Variants in ALK observed in about 807,000 individuals in gnomAD.
ALK encodes the protein ALK receptor tyrosine kinase, also known as ALK tyrosine kinase receptor.
A neutral mutation model predicts 163.1 loss-of-function variants in ALK; 74 were observed. That is an observed-to-expected ratio of 0.45 (90% CI 0.38 to 0.55). ALK has a LOEUF of 0.55. ALK is among the 20% of genes least tolerant of loss of function. The pLI is 0.00. For synonymous variants in ALK, 960 were observed against 843.2 expected (o/e 1.14, Z -2.40); for missense variants, 2,063 against 2,105.3 (o/e 0.98, Z 0.39).
At chr2:29,615,868 C>T (rs533229383) in intron 3 of ALK, among the ~76,000 whole-genome samples, 1 of 152,354 alleles carries the variant, frequency 6.6e-6, no homozygotes, top group Admixed American at 6.5e-5. Flanking sequence ...TTGCACTTCA[C>T]CCCAGGAAGT....
At chr2:29,281,956 A>G (rs1665729176) in intron 9 of ALK, among the ~76,000 whole-genome samples, 1 of 152,210 alleles carries the variant, frequency 6.6e-6, no homozygotes, top group Admixed American at 6.5e-5. Flanking sequence ...AATTAAGTTC[A>G]CTTAATGATT....
At chr2:29,499,689 C>T (rs892727040) in intron 4 of ALK, among the ~76,000 whole-genome samples, 2 of 152,118 alleles carry the variant, frequency 1.3e-5, no homozygotes, top group African/African-American at 4.8e-5. Context: ...CTCTTCCAAC[C>T]CTCATTTCTC....
At chr2:29,581,118 G>T (rs1192441631) in intron 3 of ALK, among the ~76,000 whole-genome samples, 1 of 152,202 alleles carries the variant, frequency 6.6e-6, no homozygotes, top group Non-Finnish European at 1.5e-5. Context: ...GGCCAGGCAT[G>T]GTGGCTCATG....
intron 1 of ALK, among the ~76,000 whole-genome samples, chr2:29,805,238 G>A (rs1338102911): frequency 6.6e-6 from 1 of 152,192 alleles, no homozygotes; most frequent in Non-Finnish European, 1.5e-5. Flanking sequence ...CACATTAAGG[G>A]CTACAGGATA....
intron 1 of ALK, among the ~76,000 whole-genome samples, chr2:29,871,198 A>G (rs746225555): frequency 6.6e-6 from 1 of 152,174 alleles, no homozygotes; most frequent in Non-Finnish European, 1.5e-5. Context: ...TGGTGACATT[A>G]AGCCTACAGC....
intron 3 of ALK, among the ~76,000 whole-genome samples, chr2:29,634,792 TAACA>T (rs1327886000): frequency 6.6e-6 from 1 of 151,962 alleles, no homozygotes; most frequent in East Asian, 1.9e-4. Flanking sequence ...AATACATAAA[TAACA>T]AACAAAGAAA....
At chr2:29,575,617 A>G (rs1674501906) in intron 3 of ALK, among the ~76,000 whole-genome samples, 1 of 152,220 alleles carries the variant, frequency 6.6e-6, no homozygotes, top group Non-Finnish European at 1.5e-5. Context: ...AAAAAATACA[A>G]TTCAATTTGT....
chr2:29,599,186 C>CAA (rs538039527), intron 3 of ALK, among the ~76,000 whole-genome samples: 40 of 100,280 alleles, frequency 4.0e-4, no homozygotes, highest in Middle Eastern at 6.3e-3. Context: ...TCTGACTCTG[C>CAA]AAAAAAAAAA....
chr2:29,624,866 C>T (rs1199260303), intron 3 of ALK, among the ~76,000 whole-genome samples: 1 of 152,212 alleles, frequency 6.6e-6, no homozygotes, highest in Non-Finnish European at 1.5e-5. Flanking sequence ...CTAATACTTA[C>T]AGGAGGGTGT....
chr2:29,538,246 C>T (rs4305229), intron 3 of ALK, among the ~76,000 whole-genome samples: 58,774 of 151,940 alleles, frequency 0.39, 12,099 homozygotes, highest in East Asian at 0.65. Flanking sequence ...CCAAATCTCA[C>T]GTTGAAATGT....
intron 9 of ALK, among the ~76,000 whole-genome samples, chr2:29,280,938 G>T (rs899617747): frequency 6.6e-6 from 1 of 151,972 alleles, no homozygotes; most frequent in African/African-American, 2.4e-5. Flanking sequence ...CTGAGGGAAG[G>T]TTCTGGTATG....
At chr2:29,603,829 T>C (rs1485917517) in intron 3 of ALK, among the ~76,000 whole-genome samples, 1 of 152,212 alleles carries the variant, frequency 6.6e-6, no homozygotes, top group African/African-American at 2.4e-5. Context: ...ATGCCTGGGA[T>C]ACTTCCTTTT....
intron 1 of ALK, among the ~76,000 whole-genome samples, chr2:29,744,368 C>T (rs748836845): frequency 6.6e-6 from 1 of 152,178 alleles, no homozygotes; most frequent in Non-Finnish European, 1.5e-5. Flanking sequence ...TTATCTGTTG[C>T]TGTGTAGCAA....
At chr2:29,548,545 C>T (rs568652483) in intron 3 of ALK, among the ~76,000 whole-genome samples, 306 of 8,650 alleles carry the variant, frequency 0.035, 1 homozygote, top group Non-Finnish European at 0.27. Context: ...TGCCTGTCTC[C>T]GCTCTTCTTG....
At chr2:29,841,936 C>T (rs147758814) in intron 1 of ALK, among the ~76,000 whole-genome samples, 20 of 152,240 alleles carry the variant, frequency 1.3e-4, no homozygotes, top group African/African-American at 4.3e-4. Flanking sequence ...AGTGTAATGA[C>T]GTATAGGCTA....
chr2:29,777,757 C>T (rs1249194175), intron 1 of ALK, among the ~76,000 whole-genome samples: 1 of 152,124 alleles, frequency 6.6e-6, no homozygotes, highest in African/African-American at 2.4e-5. Context: ...CTATGTTCTG[C>T]CAAGCTCCAA....
At chr2:29,408,176 G>A (rs950851477) in intron 4 of ALK, among the ~76,000 whole-genome samples, 27 of 150,012 alleles carry the variant, frequency 1.8e-4, no homozygotes, top group African/African-American at 5.7e-4. Flanking sequence ...TCTGCCTCCC[G>A]GGTTCAAGCG....
chr2:29,279,179 A>G (rs1384238383), intron 9 of ALK, among the ~76,000 whole-genome samples: 1 of 152,200 alleles, frequency 6.6e-6, no homozygotes, highest in African/African-American at 2.4e-5. Flanking sequence ...AAGAGTTTCT[A>G]AAGTGCTCTG....
chr2:29,854,246 A>G (rs1348992121), intron 1 of ALK, among the ~76,000 whole-genome samples: 1 of 152,120 alleles, frequency 6.6e-6, no homozygotes, highest in African/African-American at 2.4e-5. Flanking sequence ...TTAGGCAATG[A>G]TATCATTTGG....
Sources: allele counts gnomAD v4.1 joint callset (sites outside exome capture counted in the v4.1 genomes callset), GRCh38; gene constraint gnomAD v4.1.1; transcripts MANE v1.5; gene names NCBI Gene and HGNC (gene_info 2026-07-23, HGNC 2026-07-21).